Variants in AMN observed in about 807,000 individuals in gnomAD.
The protein encoded by AMN is protein amnionless.
AMN carries 40 observed loss-of-function variants against 49.1 expected under a neutral mutation model. The observed-to-expected ratio is 0.81, with a 90% CI of 0.63 to 1.06. The LOEUF (loss-of-function observed/expected upper bound fraction) is 1.06, where lower values mean the gene tolerates loss of function less well. Among genes scored for constraint, AMN ranks in the 50% least tolerant of loss-of-function variants. The pLI is 0.00. For synonymous variants in AMN, 380 were observed against 313.3 expected, an observed-to-expected ratio of 1.21 and a Z score of -2.25; for missense variants, 701 against 662.8, an observed-to-expected ratio of 1.06 and a Z score of -0.63.
chr14:102,928,791 TCTC>T lies in AMN; in HGVS notation c.332_334del (p.Ser111del), dbSNP rs1595433269. On this transcript the variant is annotated inframe_deletion, in exon 5 of 12. Transcript: ENST00000299155. ...GCCGTCTTCCGCGACTCTGACCGCT[TCTC>T]CTGGCATGACCCGCACCTGTGGCGC... 4 of 1,608,454 alleles carry T rather than the reference TCTC, an allele frequency of 2.5e-6. No individual in the cohort carries two copies. Among genetic ancestry groups the T allele is most frequent in the Non-Finnish European group, 2.5e-6 (3 of 1,179,806 alleles).
chr14:102,929,317 A>G (rs1891273259), intron 6 of AMN, 59 bp downstream of exon 6: 1 of 1,463,452 alleles, frequency 6.8e-7, no homozygotes, highest in Non-Finnish European at 9.0e-7. Context: ...TGTGCCCGGG[A>G]CAGGGCCGCT....
At position 102,930,675 on chromosome 14, in the gene AMN, G is replaced by A; in HGVS notation, c.1357G>A (p.Ala453Thr). Residue 453 changes from alanine (A) to threonine (T), a missense_variant, in exon 12 of 12, where the codon GCC becomes ACC. Transcript: ENST00000299155. ...NPLFAGAEAE[A>T] ...TCTGTTCGCCGGGGCCGAGGCCGAG[G>A]CCTGAGCGGCCGCCTGACCGTCGAC... is the stretch of plus-strand genomic sequence containing the variant. 6.4e-7 allele frequency: 1 copy of A among 1,573,620 alleles called. No homozygotes were observed. The highest frequency in any genetic ancestry group is 8.6e-7 in the Non-Finnish European group (1 of 1,160,162).
In AMN at chr14:102,929,192, G is replaced by T. The variant is rs1276083369; in HGVS notation, c.585G>T (p.Pro195=). Residue 195 remains proline, a synonymous_variant, in exon 6 of 12, where the codon CCG becomes CCT. Coordinates refer to ENST00000299155, the MANE Select transcript of AMN (RefSeq NM_030943.4). ...SRAGRLRFHG[P]GALSVGPEDC... is the part of the protein sequence containing the mutation. ...CGGGCCGCCTACGCTTCCACGGGCCGGGCGCGCTGAGCGTGGGCCCCGAGG... is the reference window on the plus strand; with the variant it reads ...CGGGCCGCCTACGCTTCCACGGGCCTGGCGCGCTGAGCGTGGGCCCCGAGG... The T allele has an allele frequency of 6.3e-7, 1 of 1,591,328 alleles. No homozygotes were observed. The highest frequency in any genetic ancestry group is 1.3e-5 in the African/African-American group (1 of 74,816).
In AMN at chr14:102,929,438, G is replaced by C; in HGVS notation, c.662G>C (p.Trp221Ser). The C allele has an allele frequency of 6.5e-7, 1 of 1,530,952 alleles. No individual in the cohort carries two copies. The highest frequency in any genetic ancestry group is 1.2e-5 in the South Asian group (1 of 83,666). 94.8% of individuals were successfully genotyped at this position (1,530,952 alleles called of 1,614,324 possible). A position where few individuals can be genotyped will look rare whatever the true frequency, so the allele number is the denominator to read the frequency against. Residue 221 changes from tryptophan to serine, a missense_variant, in exon 7 of 12, where the codon TGG becomes TCG. Physicochemically the swap from Trp to Ser is radical, Grantham distance 177 (BLOSUM62 -3). Transcript: ENST00000299155. ...CVCGNAEAQP[W>S]ICAALLQPLG... ...CGCCCCTCGCACCAGGCGCAGCCGT[G>C]GATCTGCGCGGCCCTGCTCCAGCCC...
At chr14:102,929,281 C>CG (rs994135057) in intron 6 of AMN, 23 bp downstream of exon 6, 3 of 1,435,476 alleles carry the variant, frequency 2.1e-6, no homozygotes, top group Non-Finnish European at 2.7e-6. Context: ...GCAGTGGAGT[C>CG]GCGGGGGCCG....
In AMN at chr14:102,922,683, G is replaced by C; in HGVS notation, c.-6G>C. ...CTCCTGGTGGGGTGCAAGGAGCCGAGGCGAGATGGGCGTCCTGGGCCGGGT... is the reference window on the plus strand; with the variant it reads ...CTCCTGGTGGGGTGCAAGGAGCCGACGCGAGATGGGCGTCCTGGGCCGGGT... On this transcript the variant is annotated 5_prime_UTR_variant, in exon 1 of 12. Coordinates refer to ENST00000299155, the MANE Select transcript of AMN (RefSeq NM_030943.4). The C allele has an allele frequency of 6.3e-7, 1 of 1,599,510 alleles. No individual in the cohort carries two copies. Among genetic ancestry groups the C allele is most frequent in the East Asian group, 2.2e-5 (1 of 44,492 alleles).
chr14:102,923,598 T>C, intron 1 of AMN, 113 bp from the exon 2 acceptor site: 1 of 1,002,792 alleles, frequency 1.0e-6, no homozygotes, highest in East Asian at 2.4e-5. Context: ...ATGGGGTTCC[T>C]ATGCGTCCCG....
intron 1 of AMN, chr14:102,923,490 G>A: frequency 3.5e-6 from 2 of 567,392 alleles, no homozygotes; most frequent in East Asian, 6.1e-5. Context: ...GTTTGAGCGG[G>A]CTCTGCAGGT....
In AMN at chr14:102,930,722, T is replaced by C. The variant is rs1396081266; in HGVS notation, c.*42T>C. ...CGACCTTGGGGCTCTCCACCCGCTC[T>C]GGCCCCAGTCGAACTGGGGGCTAGC... On this transcript the variant is annotated 3_prime_UTR_variant, in exon 12 of 12. Coordinates refer to ENST00000299155, the MANE Select transcript of AMN (RefSeq NM_030943.4). 6.5e-7 allele frequency: 1 copy of C among 1,540,162 alleles called. No homozygotes were observed. Among genetic ancestry groups the C allele is most frequent in the East Asian group, 2.4e-5 (1 of 41,126 alleles).
At chr14:102,929,898 CAA>C (rs1160196321) in intron 8 of AMN, 24 bp from the exon 9 acceptor site, 2 of 1,550,958 alleles carry the variant, frequency 1.3e-6, no homozygotes, top group South Asian at 2.4e-5. Flanking sequence ...GGGGCTGAGT[CAA>C]ACCAACCCCG....
chr14:102,930,773 T>G lies in AMN; in HGVS notation c.*93T>G. ...CACCTCCTCGTCCAGCCCCCAAACC[T>G]CCCCTTCCTTTCCCCCTCCTCCGGG... is the stretch of plus-strand genomic sequence containing the variant. On this transcript the variant is annotated 3_prime_UTR_variant, in exon 12 of 12. Coordinates refer to ENST00000299155, the MANE Select transcript of AMN (RefSeq NM_030943.4). 1 of 1,354,294 alleles carries G rather than the reference T, an allele frequency of 7.4e-7. No individual in the cohort carries two copies. Among genetic ancestry groups the G allele is most frequent in the Non-Finnish European group, 1.0e-6 (1 of 980,262 alleles). The allele number at this position is 1,354,294 out of a possible 1,614,324, so 83.9% of individuals were successfully genotyped here.
chr14:102,922,827 G>T (rs540052204), intron 1 of AMN, 96 bp downstream of exon 1: 1 of 1,482,934 alleles, frequency 6.7e-7, no homozygotes, highest in Non-Finnish European at 9.1e-7. Context: ...AAGATCTTCC[G>T]AGGAGTGGGC....
At chr14:102,923,471 G>C (rs951287665) in intron 1 of AMN, 1 of 532,342 alleles carries the variant, frequency 1.9e-6, no homozygotes, top group African/African-American at 1.9e-5. Context: ...CAGGCGTCCT[G>C]CAGGGCGCGT....
Position 102,930,153 on chromosome 14 carries a change from C to G in AMN, c.1007-12C>G. ...CGCCGCGGGGAAGACTGAGCCGGCC[C>G]CTCCGTCGCAGGCGAGGCCCTCGGC... On this transcript the variant is annotated splice_polypyrimidine_tract_variant and intron_variant, in intron 9 of 11. Coordinates refer to ENST00000299155, the MANE Select transcript of AMN (RefSeq NM_030943.4). The G allele has an allele frequency of 6.7e-7, 1 of 1,493,166 alleles. No individual in the cohort carries two copies. The highest frequency in any genetic ancestry group is 8.9e-7 in the Non-Finnish European group (1 of 1,127,960). 92.5% of individuals were successfully genotyped at this position (1,493,166 alleles called of 1,614,324 possible).
In AMN at chr14:102,930,333, CG is replaced by C; in HGVS notation, c.1169+10del. The C allele has an allele frequency of 7.2e-7, 1 of 1,395,000 alleles. No homozygotes were observed. Among genetic ancestry groups the C allele is most frequent in the South Asian group, 1.6e-5 (1 of 62,756 alleles). 86.4% of individuals were successfully genotyped at this position (1,395,000 alleles called of 1,614,324 possible). A position where few individuals can be genotyped will look rare whatever the true frequency, so the allele number is the denominator to read the frequency against. On this transcript the variant is annotated splice_region_variant and intron_variant, in intron 10 of 11. Transcript: ENST00000299155. ...CGCCGCGCGGGGAGGCTCAGGTACG[CG>C]GGGCGGGGGCGCGGAGGTGGGGCTG...
chr14:102,928,599 A>G, intron 4 of AMN, 86 bp downstream of exon 4: 2 of 1,509,670 alleles, frequency 1.3e-6, no homozygotes, highest in Non-Finnish European at 1.8e-6. Context: ...GGGGGCGAGG[A>G]CCGGAGGGAG....
chr14:102,930,418 C>T lies in AMN; in HGVS notation c.1182C>T (p.His394=). 3 of 1,519,924 alleles carry T rather than the reference C, an allele frequency of 2.0e-6. No homozygotes were observed. Among genetic ancestry groups the T allele is most frequent in the Non-Finnish European group, 2.6e-6 (3 of 1,139,830 alleles). The allele number at this position is 1,519,924 out of a possible 1,614,324, so 94.2% of individuals were successfully genotyped here. A position where few individuals can be genotyped will look rare whatever the true frequency, so the allele number is the denominator to read the frequency against. Reference sequence around the variant, plus strand: ...GCTACGCCCTCAGGTGGAGGAGGCACGAGGCGGCGGCCCCGGCTGGAGCGC... The same window carrying T: ...GCTACGCCCTCAGGTGGAGGAGGCATGAGGCGGCGGCCCCGGCTGGAGCGC... The part of the protein sequence containing the change: ...RRAGRLRWRR[H]EAAAPAGAPL... The change falls in exon 11 of 12, where the codon CAC becomes CAT. Residue 394 remains histidine, a synonymous_variant. Transcript: ENST00000299155.
chr14:102,926,511 CATT>C lies in AMN; in HGVS notation c.208-1914_208-1912del, dbSNP rs1225104063. 9.2e-5 allele frequency among the ~76,000 whole-genome samples: 14 copies of C among 152,154 alleles called. No individual in the cohort carries two copies. In the East Asian group the frequency reaches 1.9e-3, roughly 21 times the overall value. On this transcript the variant is annotated intron_variant, in intron 3 of 11. Coordinates refer to ENST00000299155, the MANE Select transcript of AMN (RefSeq NM_030943.4). ...CTGCTCCAAGGTTCTTTGTGGATCTCATTGTTGCAGATAAATTGTAGAATAGGT... is the reference window on the plus strand; with the variant it reads ...CTGCTCCAAGGTTCTTTGTGGATCTCGTTGCAGATAAATTGTAGAATAGGT...
chr14:102,924,023 G>T, intron 3 of AMN, 44 bp downstream of exon 3: 1 of 1,612,988 alleles, frequency 6.2e-7, no homozygotes, highest in Non-Finnish European at 8.5e-7. Context: ...GGTTCACAGA[G>T]TCTCTGAAGC....
Sources: gnomAD v4.1 joint callset for allele counts (sites outside exome capture counted in the v4.1 genomes callset) on GRCh38, gnomAD v4.1.1 for gene constraint, MANE v1.5 for transcripts, NCBI Gene and HGNC (gene_info 2026-07-23, HGNC 2026-07-21) for gene names.